NF1: variants seen among roughly 807,000 people sequenced by gnomAD.
The protein encoded by NF1 is neurofibromin.
A neutral mutation model predicts 325.7 loss-of-function variants in NF1; 122 were observed. The ratio of observed to expected loss-of-function variants is 0.37; its 90% CI spans 0.32 to 0.44. The LOEUF is 0.44. Among genes scored for constraint, NF1 ranks in the 20% least tolerant of loss-of-function variants. The pLI is 1.00. For synonymous variants in NF1, 1,091 were observed against 1,186.0 expected (o/e 0.92, Z 1.65); for missense variants, 2,140 against 3,415.4 (o/e 0.63, Z 9.31).
At chr17:31,197,441 A>G (rs909231710) in intron 8 of NF1, among the ~76,000 whole-genome samples, 14 of 151,606 alleles carry the variant, frequency 9.2e-5, no homozygotes, top group African/African-American at 3.4e-4. Flanking sequence ...TTACCTTAAC[A>G]ATCTAGGAAC....
intron 50 of NF1, among the ~76,000 whole-genome samples, chr17:31,351,359 T>C (rs768307363): frequency 6.6e-6 from 1 of 152,220 alleles, no homozygotes; most frequent in Non-Finnish European, 1.5e-5. Context: ...GTAACACATA[T>C]GTTAATTTGC....
At chr17:31,356,808 T>C in intron 52 of NF1, 152 bp from the exon 53 acceptor site, 2 of 1,273,268 alleles carry the variant, frequency 1.6e-6, no homozygotes, top group East Asian at 2.4e-5. Flanking sequence ...CCAAAACTTT[T>C]GTGTAGGCGA....
At chr17:31,304,361 A>C (rs749861129) in intron 36 of NF1, 2 of 1,614,114 alleles carry the variant, frequency 1.2e-6, no homozygotes, top group Admixed American at 1.7e-5. Flanking sequence ...TCAAGGTTGG[A>C]ATCTTCTTGG....
At chr17:31,117,672 C>CAAAAAAAAAAAAAAAAAAAAAA (rs780828438) in intron 1 of NF1, among the ~76,000 whole-genome samples, 1 of 19,814 alleles carries the variant, frequency 5.0e-5, no homozygotes, top group Non-Finnish European at 1.1e-4. Flanking sequence ...AACTCCATCT[C>CAAAAAAAAAAAAAAAAAAAAAA]AAAAAAAAAA....
intron 54 of NF1, 30 bp from the exon 55 acceptor site, chr17:31,358,450 G>A (rs761457684): frequency 5.6e-6 from 9 of 1,603,250 alleles, no homozygotes; most frequent in African/African-American, 1.3e-5. Flanking sequence ...CCTCTAAAAT[G>A]TTCCTCTGTT....
At chr17:31,146,661 C>T (rs1256257258) in intron 1 of NF1, among the ~76,000 whole-genome samples, 5 of 152,224 alleles carry the variant, frequency 3.3e-5, no homozygotes, top group Non-Finnish European at 7.3e-5. Flanking sequence ...TTGAAATCAA[C>T]ATCTGGGAGT....
At position 31,232,234 on chromosome 17, in the gene NF1, G is replaced by GC. The variant is rs1484009135; in HGVS notation, c.3314+51dup. Reference sequence around the variant, plus strand: ...AAACATAAAGCAAAAAGCAAATAAAGCCCCCCACCACACAAAAAAAGCAAA... The same window carrying GC: ...AAACATAAAGCAAAAAGCAAATAAAGCCCCCCCACCACACAAAAAAAGCAAA... On this transcript the variant is annotated intron_variant, in intron 25 of 57. Coordinates refer to ENST00000358273, the MANE Select transcript of NF1 (RefSeq NM_001042492.3). 11 of 1,165,722 alleles carry GC rather than the reference G, an allele frequency of 9.4e-6. No individual in the cohort carries two copies. The East Asian group carries it at 2.1e-4, about 22-fold the overall frequency. 72.2% of individuals were successfully genotyped at this position (1,165,722 alleles called of 1,614,324 possible). A position where few individuals can be genotyped will look rare whatever the true frequency, so the allele number is the denominator to read the frequency against.
chr17:31,310,386 C>T (rs1032571686), intron 36 of NF1, among the ~76,000 whole-genome samples: 10 of 145,856 alleles, frequency 6.9e-5, no homozygotes, highest in African/African-American at 2.6e-4. Context: ...ATATAATTAG[C>T]AAGAAGGCAG....
At chr17:31,229,604 C>T (rs2067077785) in intron 21 of NF1, 139 bp downstream of exon 21, 13 of 1,101,952 alleles carry the variant, frequency 1.2e-5, no homozygotes, top group Non-Finnish European at 1.6e-5. Flanking sequence ...GAAGAGTCAT[C>T]TCAATGTAGG....
intron 1 of NF1, 27 bp from the exon 2 acceptor site, chr17:31,155,956 C>T (rs182597952): frequency 8.9e-5 from 142 of 1,604,342 alleles, no homozygotes; most frequent in East Asian, 1.8e-4. Flanking sequence ...AAGCTGTTAA[C>T]GTGTTTTTTT....
chr17:31,307,343 T>C (rs769157236), intron 36 of NF1, among the ~76,000 whole-genome samples: 10 of 152,174 alleles, frequency 6.6e-5, no homozygotes, highest in African/African-American at 9.7e-5. Flanking sequence ...TGATAAGCTT[T>C]CTCATAAAAG....
rs1287975998 is a variant in NF1 at position 31,250,056 on chromosome 17, C to T, written c.4110+937C>T. The T allele has an allele frequency of 1.0e-5, 5 of 489,436 alleles. No individual in the cohort carries two copies. The highest frequency in any genetic ancestry group is 3.1e-4 in the Middle Eastern group (1 of 3,224). 30.3% of individuals were successfully genotyped at this position (489,436 alleles called of 1,614,324 possible). On this transcript the variant is annotated intron_variant, in intron 30 of 57. Coordinates refer to ENST00000358273, the MANE Select transcript of NF1 (RefSeq NM_001042492.3). ...ATTTTAAAAGCTGTTTGAGGCTGCT[C>T]TATGTGAATTTTTTCACCATTGCTA... is the stretch of plus-strand genomic sequence containing the variant.
At chr17:31,263,663 A>G (rs184437557) in intron 35 of NF1, among the ~76,000 whole-genome samples, 12 of 151,752 alleles carry the variant, frequency 7.9e-5, no homozygotes, top group Admixed American at 6.6e-4. Flanking sequence ...TCCAATATAT[A>G]TAATATACTT....
intron 14 of NF1, among the ~76,000 whole-genome samples, chr17:31,219,513 A>G (rs577150034): frequency 6.6e-6 from 1 of 151,920 alleles, no homozygotes; most frequent in African/African-American, 2.4e-5. Flanking sequence ...TTTAAGTTTT[A>G]GGTTACATGC....
chr17:31,140,592 C>T lies in NF1; in HGVS notation c.61-15391C>T, dbSNP rs140023821. ...CAAAAGTATAGCTAGGGCAAGTCCC[C>T]CTTCAGGGTGGATACTTAAAGGAGA... On this transcript the variant is annotated intron_variant, in intron 1 of 57. Transcript: ENST00000358273. 2.1e-3 allele frequency among the ~76,000 whole-genome samples: 315 copies of T among 152,200 alleles called. 3 individuals are homozygous for T. The highest frequency in any genetic ancestry group is 5.4e-4 in the Non-Finnish European group (37 of 68,012).
chr17:31,102,334 G>A (rs1912415480), intron 1 of NF1, among the ~76,000 whole-genome samples: 1 of 137,348 alleles, frequency 7.3e-6, no homozygotes, highest in Non-Finnish European at 1.6e-5. Context: ...AGATTTATAT[G>A]TTTTCTTTAT....
At chr17:31,318,341 CTTCATCTTTTCTT>C (rs746268584) in intron 36 of NF1, 1 of 1,610,520 alleles carries the variant, frequency 6.2e-7, no homozygotes, top group Non-Finnish European at 8.5e-7. Context: ...TCAGTTCCTT[CTTCATCTTTTCTT>C]TCCCTTGTAG....
At chr17:31,287,840 C>T (rs1343821804) in intron 36 of NF1, among the ~76,000 whole-genome samples, 1 of 146,768 alleles carries the variant, frequency 6.8e-6, no homozygotes, top group Non-Finnish European at 1.5e-5. Flanking sequence ...CTCCTGGGCT[C>T]ATTAATAACA....
chr17:31,260,625 A>C, intron 34 of NF1, 110 bp downstream of exon 34: 1 of 1,281,586 alleles, frequency 7.8e-7, no homozygotes, highest in Non-Finnish European at 1.1e-6. Context: ...TGGACTAAGA[A>C]TTATGGTTTA....
Sources: allele counts gnomAD v4.1 joint callset (sites outside exome capture counted in the v4.1 genomes callset), GRCh38; gene constraint gnomAD v4.1.1; transcripts MANE v1.5; gene names NCBI Gene and HGNC (gene_info 2026-07-23, HGNC 2026-07-21).